KCNH8: variants seen among roughly 807,000 people sequenced by gnomAD.
KCNH8 encodes potassium voltage-gated channel subfamily H member 8, also known as voltage-gated delayed rectifier potassium channel KCNH8.
Under a neutral mutation model 103.6 loss-of-function variants are expected in KCNH8, and 70 were observed. That is an observed-to-expected ratio of 0.68 (90% CI 0.56 to 0.82). KCNH8 has a LOEUF of 0.82. KCNH8 is among the 40% of genes least tolerant of loss of function. The pLI, the probability that KCNH8 is intolerant of heterozygous loss-of-function variation, is 0.00. For synonymous variants in KCNH8, 498 were observed against 489.4 expected, an observed-to-expected ratio of 1.02 and a Z score of -0.23; for missense variants, 1,217 against 1,329.9, an observed-to-expected ratio of 0.92 and a Z score of 1.32.
At chr3:19,492,143 T>A (rs1036595699) in intron 11 of KCNH8, among the ~76,000 whole-genome samples, 3 of 152,110 alleles carry the variant, frequency 2.0e-5, no homozygotes, top group Non-Finnish European at 4.4e-5. Flanking sequence ...ACTCTCTTGA[T>A]AGTTTCTTTT....
intron 3 of KCNH8, among the ~76,000 whole-genome samples, chr3:19,316,604 C>T (rs1045562245): frequency 1.3e-5 from 2 of 151,938 alleles, no homozygotes; most frequent in Non-Finnish European, 2.9e-5. Flanking sequence ...TATCTCTCTG[C>T]TCCTCCAGCT....
intron 3 of KCNH8, among the ~76,000 whole-genome samples, chr3:19,335,352 T>C (rs2065568183): frequency 6.6e-6 from 1 of 151,666 alleles, no homozygotes; most frequent in African/African-American, 2.4e-5. Context: ...TTTCTTTTAG[T>C]GTACTTCTAT....
In KCNH8 at chr3:19,205,992, T is replaced by C. The variant is rs145068573; in HGVS notation, c.77-47662T>C. On this transcript the variant is annotated intron_variant, in intron 1 of 15. Coordinates refer to ENST00000328405, the MANE Select transcript of KCNH8 (RefSeq NM_144633.3). ...CACCCTTTCCTCTGAGTCCCTATAG[T>C]CCATTGTATCATTCTTATGCCTTTG... is the stretch of plus-strand genomic sequence containing the variant. Among the ~76,000 whole-genome samples, 532 of 151,742 alleles carry C rather than the reference T, an allele frequency of 3.5e-3. 15 individuals carry two copies. Among genetic ancestry groups the C allele is most frequent in the Admixed American group, 5.7e-3 (87 of 15,176 alleles).
At chr3:19,321,454 A>G (rs190552922) in intron 3 of KCNH8, among the ~76,000 whole-genome samples, 2 of 152,110 alleles carry the variant, frequency 1.3e-5, no homozygotes, top group African/African-American at 4.8e-5. Context: ...ATCATTCAAG[A>G]GCAGGTTATT....
chr3:19,262,420 A>G (rs764970724), intron 2 of KCNH8, among the ~76,000 whole-genome samples: 1 of 152,050 alleles, frequency 6.6e-6, no homozygotes. Flanking sequence ...ATATTTGATT[A>G]TGTCATCTAG....
At chr3:19,432,908 G>T (rs556114043) in intron 7 of KCNH8, among the ~76,000 whole-genome samples, 56 of 152,272 alleles carry the variant, frequency 3.7e-4, no homozygotes, top group Admixed American at 1.4e-3. Context: ...CAGATGGCCT[G>T]TTCTTTCTCT....
chr3:19,410,458 A>G (rs542259020), intron 7 of KCNH8, among the ~76,000 whole-genome samples: 46 of 152,282 alleles, frequency 3.0e-4, no homozygotes, highest in African/African-American at 9.9e-4. Context: ...TCTCATTTTA[A>G]CAATCTAACC....
chr3:19,421,945 G>T (rs2066957684), intron 7 of KCNH8, among the ~76,000 whole-genome samples: 1 of 151,972 alleles, frequency 6.6e-6, no homozygotes, highest in African/African-American at 2.4e-5. Flanking sequence ...ATATTCAACT[G>T]TATTTGCCTC....
intron 1 of KCNH8, among the ~76,000 whole-genome samples, chr3:19,204,401 C>G (rs2063693108): frequency 6.6e-6 from 1 of 151,950 alleles, no homozygotes; most frequent in East Asian, 1.9e-4. Context: ...CTATGGTACT[C>G]TCTCTTGCTG....
intron 2 of KCNH8, among the ~76,000 whole-genome samples, chr3:19,264,258 C>A (rs796820846): frequency 6.6e-6 from 1 of 152,100 alleles, no homozygotes; most frequent in Admixed American, 6.6e-5. Context: ...TGAGAAAGTA[C>A]GTGCACTGAA....
At chr3:19,171,054 C>A (rs2063344173) in intron 1 of KCNH8, among the ~76,000 whole-genome samples, 1 of 152,010 alleles carries the variant, frequency 6.6e-6, no homozygotes, top group Admixed American at 6.5e-5. Flanking sequence ...CCGCCTTCGG[C>A]CTCCAAAAGT....
At chr3:19,231,964 C>T (rs1189670574) in intron 1 of KCNH8, among the ~76,000 whole-genome samples, 1 of 152,164 alleles carries the variant, frequency 6.6e-6, no homozygotes, top group Non-Finnish European at 1.5e-5. Flanking sequence ...GTTTTGAGAC[C>T]TGACACCAAA....
intron 3 of KCNH8, among the ~76,000 whole-genome samples, chr3:19,338,104 A>T (rs1474584696): frequency 6.6e-6 from 1 of 151,996 alleles, no homozygotes; most frequent in Non-Finnish European, 1.5e-5. Context: ...TTGTTTCCTA[A>T]TACTTTTATC....
intron 2 of KCNH8, among the ~76,000 whole-genome samples, chr3:19,273,527 A>T (rs974557691): frequency 2.0e-5 from 3 of 152,320 alleles, no homozygotes; most frequent in Middle Eastern, 3.4e-3. Flanking sequence ...CAGTCTTAGC[A>T]GATGAATCCA....
intron 11 of KCNH8, among the ~76,000 whole-genome samples, chr3:19,498,658 G>C (rs1238506686): frequency 3.9e-5 from 6 of 152,184 alleles, no homozygotes; most frequent in Admixed American, 3.9e-4. Context: ...GAGGTGCTCT[G>C]CTTTTTAGAG....
chr3:19,463,421 A>G (rs1363777876), intron 11 of KCNH8, among the ~76,000 whole-genome samples: 1 of 152,182 alleles, frequency 6.6e-6, no homozygotes, highest in Non-Finnish European at 1.5e-5. Flanking sequence ...GTTTGGTCAA[A>G]AAGTAAAAAG....
chr3:19,392,179 C>A, intron 6 of KCNH8, among the ~76,000 whole-genome samples: 1 of 150,376 alleles, frequency 6.6e-6, no homozygotes, highest in African/African-American at 2.4e-5. Context: ...GAAGAAATGC[C>A]TTAAAGTCTA....
At chr3:19,246,893 G>A (rs1403160107) in intron 1 of KCNH8, among the ~76,000 whole-genome samples, 3 of 152,164 alleles carry the variant, frequency 2.0e-5, no homozygotes, top group Admixed American at 1.3e-4. Flanking sequence ...GGTTGTGAAG[G>A]ACATTTGTTT....
chr3:19,342,762 G>A (rs765165167), intron 4 of KCNH8, 48 bp downstream of exon 4: 5 of 1,527,740 alleles, frequency 3.3e-6, no homozygotes, highest in South Asian at 2.4e-5. Flanking sequence ...TCCCCTGGTG[G>A]CAATGTTTGA....
Sources: allele counts gnomAD v4.1 joint callset (sites outside exome capture counted in the v4.1 genomes callset), GRCh38; gene constraint gnomAD v4.1.1; transcripts MANE v1.5; gene names NCBI Gene and HGNC (gene_info 2026-07-23, HGNC 2026-07-21).